DPH6: variants seen among roughly 807,000 people sequenced by gnomAD.
DPH6 encodes the protein diphthamine biosynthesis 6.
Under a neutral mutation model 38.2 loss-of-function variants are expected in DPH6, and 33 were observed. The observed-to-expected ratio is 0.86, with a 90% confidence interval of 0.65 to 1.15. The LOEUF is 1.15. DPH6 is among the 50% of genes most tolerant of loss of function. The pLI, the probability that DPH6 is intolerant of heterozygous loss-of-function variation, is 0.00. For missense variants in DPH6, 325 were observed against 320.0 expected (o/e 1.02, Z -0.12); for synonymous variants, 108 against 103.0 (o/e 1.05, Z -0.30).
At chr15:35,362,153 T>C (rs1434226945) in intron 3 of DPH6, among the ~76,000 whole-genome samples, 1 of 152,232 alleles carries the variant, frequency 6.6e-6, no homozygotes, top group East Asian at 1.9e-4. Context: ...GGGATGCCTC[T>C]TTCCTGGGTT....
intron 3 of DPH6, chr15:35,298,522 C>T: frequency 1.3e-6 from 1 of 778,226 alleles, no homozygotes; most frequent in Non-Finnish European, 2.4e-6. Context: ...CAACCATGTT[C>T]CTTAGTAGGA....
intron 5 of DPH6, among the ~76,000 whole-genome samples, chr15:35,418,229 T>C (rs2053459707): frequency 6.6e-6 from 1 of 152,212 alleles, no homozygotes; most frequent in East Asian, 1.9e-4. Flanking sequence ...AAAACCTTTA[T>C]AATCACTGAG....
At chr15:35,393,741 TCTG>T (rs1286091909) in intron 6 of DPH6, among the ~76,000 whole-genome samples, 1 of 152,164 alleles carries the variant, frequency 6.6e-6, no homozygotes, top group Admixed American at 6.5e-5. Flanking sequence ...CCTTCCTGCT[TCTG>T]CTGTTTTCTC....
intron 3 of DPH6, among the ~76,000 whole-genome samples, chr15:35,320,202 C>T (rs918357132): frequency 3.3e-5 from 5 of 151,824 alleles, no homozygotes; most frequent in African/African-American, 9.7e-5. Flanking sequence ...TATTTCCCAA[C>T]TTAATTTTGT....
chr15:35,517,702 A>G (rs1037680940), intron 3 of DPH6, among the ~76,000 whole-genome samples: 1 of 152,126 alleles, frequency 6.6e-6, no homozygotes, highest in Non-Finnish European at 1.5e-5. Context: ...AGATTACTCA[A>G]AAGCAATACA....
the DPH6 span, among the ~76,000 whole-genome samples, chr15:35,207,297 C>A: frequency 6.6e-6 from 1 of 152,000 alleles, no homozygotes; most frequent in Non-Finnish European, 1.5e-5. Flanking sequence ...ATCCTCCCAC[C>A]TGGCCTCCCA....
chr15:35,246,893 T>A (rs1159240663), intron 3 of DPH6, among the ~76,000 whole-genome samples: 1 of 152,194 alleles, frequency 6.6e-6, no homozygotes, highest in Non-Finnish European at 1.5e-5. Flanking sequence ...TTACCTAGAT[T>A]TTATGGCTGT....
At chr15:35,316,992 T>C (rs916323831) in intron 3 of DPH6, among the ~76,000 whole-genome samples, 6 of 152,172 alleles carry the variant, frequency 3.9e-5, no homozygotes, top group African/African-American at 1.4e-4. Context: ...GCACAATGGC[T>C]CAACCCTGTA....
intron 3 of DPH6, among the ~76,000 whole-genome samples, chr15:35,224,695 A>AT (rs1329564382): frequency 6.6e-6 from 1 of 152,230 alleles, no homozygotes; most frequent in Non-Finnish European, 1.5e-5. Context: ...CCAGCAATGA[A>AT]TGAGAGTTCC....
intron 3 of DPH6, chr15:35,298,492 T>C: frequency 1.3e-6 from 1 of 774,152 alleles, no homozygotes; most frequent in Non-Finnish European, 2.4e-6. Context: ...CTTCCAAGTC[T>C]TCATCCACCT....
At chr15:35,170,772 A>G in the DPH6 span, among the ~76,000 whole-genome samples, 2 of 152,158 alleles carry the variant, frequency 1.3e-5, no homozygotes, top group African/African-American at 4.8e-5. Context: ...CAACAGTGGA[A>G]ACAGTGGATT....
chr15:35,338,732 C>T lies in DPH6; in HGVS notation n.208-7655G>A, dbSNP rs182382598. Among the ~76,000 whole-genome samples, 506 of 152,252 alleles carry T rather than the reference C, an allele frequency of 3.3e-3. 2 individuals carry two copies. Among genetic ancestry groups the T allele is most frequent in the African/African-American group, 0.012 (481 of 41,538 alleles). On this transcript the variant is annotated intron_variant and non_coding_transcript_variant, in intron 3 of 3. Coordinates refer to the DPH6 transcript ENST00000558973. ...ATGCTGCCATAAAGACACATGCACA[C>T]GTATGTTTATTGCGGCACTATTCAC...
At chr15:35,213,443 G>C (rs912477447), downstream of DPH6, among the ~76,000 whole-genome samples, 1 of 152,074 alleles carries the variant, frequency 6.6e-6, no homozygotes, top group African/African-American at 2.4e-5. Flanking sequence ...TTTTATGCTT[G>C]TTTACACTTA....
At chr15:35,478,357 ACC>A in intron 3 of DPH6, among the ~76,000 whole-genome samples, 1 of 110,902 alleles carries the variant, frequency 9.0e-6, no homozygotes, top group East Asian at 2.7e-4. Flanking sequence ...ATACACACAT[ACC>A]CACACATACA....
intron 3 of DPH6, among the ~76,000 whole-genome samples, chr15:35,307,321 T>A (rs1463235925): frequency 6.6e-6 from 1 of 152,050 alleles, no homozygotes; most frequent in Non-Finnish European, 1.5e-5. Context: ...CAAAGAAACA[T>A]CATGTAAAAC....
At chr15:35,167,443 A>T in the DPH6 span, among the ~76,000 whole-genome samples, 15 of 152,080 alleles carry the variant, frequency 9.9e-5, no homozygotes, top group East Asian at 2.9e-3. Flanking sequence ...CAATTAAAAA[A>T]AAAATGACAA....
intron 6 of DPH6, among the ~76,000 whole-genome samples, chr15:35,382,944 T>TA (rs796580628): frequency 6.6e-6 from 1 of 151,774 alleles, no homozygotes; most frequent in Admixed American, 6.6e-5. Flanking sequence ...ATATTGAGAG[T>TA]AAAAAAATCT....
In DPH6 at chr15:35,491,887, C is replaced by CAT. The variant is rs141160994; in HGVS notation, c.313-37069_313-37068dup. 3.2e-3 allele frequency among the ~76,000 whole-genome samples: 479 copies of CAT among 150,828 alleles called. 3 individuals carry two copies. The East Asian group carries it at 0.035, about 11-fold the overall frequency. ...ATGTGTGTGTATATATATACACGTA[C>CAT]ATATATATATCTCTTATATGTATCT... On this transcript the variant is annotated intron_variant, in intron 3 of 8. Transcript: ENST00000256538.
chr15:35,283,819 G>A (rs572868187), intron 3 of DPH6, among the ~76,000 whole-genome samples: 181 of 150,888 alleles, frequency 1.2e-3, no homozygotes, highest in Non-Finnish European at 2.3e-3. Context: ...ACTTCTGAAT[G>A]CCCTGGAAAA....
Sources: allele counts gnomAD v4.1 joint callset (sites outside exome capture counted in the v4.1 genomes callset), GRCh38; gene constraint gnomAD v4.1.1; transcripts MANE v1.5; gene names NCBI Gene and HGNC (gene_info 2026-07-23, HGNC 2026-07-21).